VWA8: variants seen among roughly 807,000 people sequenced by gnomAD.
VWA8 encodes von Willebrand factor A domain-containing protein 8.
VWA8 carries 221 observed loss-of-function variants against 241.5 expected under a neutral mutation model. The observed-to-expected ratio is 0.91, with a 90% CI of 0.82 to 1.02. VWA8 has a LOEUF of 1.02. Ranked by LOEUF, VWA8 falls within the 50% of genes least tolerant of loss-of-function variation. The probability of loss-of-function intolerance (pLI) is 0.00; values close to 1 mark genes in which losing one functional copy is unlikely to be tolerated. For missense variants in VWA8, 2,322 were observed against 2,328.7 expected (o/e 1.00, Z 0.06); for synonymous variants, 852 against 827.1 (o/e 1.03, Z -0.52).
intron 9 of VWA8, among the ~76,000 whole-genome samples, chr13:41,875,810 C>T (rs1191572966): frequency 6.6e-5 from 10 of 151,944 alleles, no homozygotes; most frequent in Non-Finnish European, 1.2e-4. Flanking sequence ...ATCATGACCC[C>T]GATTTTCTCT....
chr13:41,738,447 G>A (rs898917803), intron 21 of VWA8, among the ~76,000 whole-genome samples: 3 of 152,214 alleles, frequency 2.0e-5, no homozygotes, highest in Admixed American at 6.5e-5. Context: ...ATTTCAAAAT[G>A]TGTTTAGTTT....
intron 27 of VWA8, among the ~76,000 whole-genome samples, chr13:41,702,674 A>G (rs2045258166): frequency 6.6e-6 from 1 of 152,226 alleles, no homozygotes; most frequent in Non-Finnish European, 1.5e-5. Context: ...AGTGGTTGCA[A>G]CAGAATCTGT....
chr13:41,573,841 C>T (rs116284849), intron 43 of VWA8, among the ~76,000 whole-genome samples: 3 of 151,994 alleles, frequency 2.0e-5, no homozygotes, highest in East Asian at 3.9e-4. Context: ...GGGCTGGTAT[C>T]GAGCTCCTGG....
rs149571852 is a variant in VWA8, at chr13:41,811,297, C to A, written c.1991G>T (p.Arg664Leu). 2 of 1,610,340 alleles carry A rather than the reference C, an allele frequency of 1.2e-6. No homozygotes were observed. Among genetic ancestry groups the A allele is most frequent in the Non-Finnish European group, 1.7e-6 (2 of 1,177,426 alleles). ...AASLSTRQLL[R>L]ISRRLSQYPN... ...ATACTGTGACAGCCGACGAGAAATT[C>A]GCAACAGTTGTCTGGTAGAAAGTGA... The change falls in exon 17 of 45, where the codon CGA becomes CTA. Residue 664 changes from arginine to leucine, a missense_variant. Coordinates refer to ENST00000379310, the MANE Select transcript of VWA8 (RefSeq NM_015058.2).
At chr13:41,824,203 A>G (rs1243633416) in intron 14 of VWA8, among the ~76,000 whole-genome samples, 1 of 152,208 alleles carries the variant, frequency 6.6e-6, no homozygotes, top group Non-Finnish European at 1.5e-5. Flanking sequence ...TTGAAGGAAT[A>G]GCAGAAGTTT....
In VWA8 at chr13:41,611,430, C is replaced by T. The variant is rs185612101; in HGVS notation, c.4877+146G>A. On this transcript the variant is annotated intron_variant, in intron 39 of 44. Transcript: ENST00000379310. ...TTTATTTGGCTGTTTCCGTTAGGGA[C>T]GGGGATGGCTGTGGATTTCAGTTTG... The T allele has an allele frequency of 1.2e-4, 128 of 1,075,658 alleles. No individual in the cohort carries two copies. The African/African-American group carries it at 1.5e-3, about 12-fold the overall frequency. 66.6% of individuals were successfully genotyped at this position (1,075,658 alleles called of 1,614,324 possible).
intron 37 of VWA8, among the ~76,000 whole-genome samples, chr13:41,667,036 G>A (rs1286217594): frequency 6.6e-6 from 1 of 152,158 alleles, no homozygotes; most frequent in Non-Finnish European, 1.5e-5. Context: ...AAAGAATGAT[G>A]TATAAGAGTA....
At chr13:41,570,765 A>T in intron 43 of VWA8, 59 bp from the exon 44 acceptor site, 1 of 1,481,158 alleles carries the variant, frequency 6.8e-7, no homozygotes, top group Non-Finnish European at 9.4e-7. Flanking sequence ...TTTAACAAAT[A>T]CGATTATTTT....
intron 26 of VWA8, among the ~76,000 whole-genome samples, chr13:41,711,069 G>A (rs1309649787): frequency 6.6e-6 from 1 of 152,184 alleles, no homozygotes; most frequent in Non-Finnish European, 1.5e-5. Flanking sequence ...TAAATACTAA[G>A]TACAATCCTG....
At chr13:41,667,233 A>C (rs2044992613) in intron 37 of VWA8, among the ~76,000 whole-genome samples, 1 of 152,226 alleles carries the variant, frequency 6.6e-6, no homozygotes. Context: ...ATTATAGAAA[A>C]GGCCAAGCTT....
intron 24 of VWA8, among the ~76,000 whole-genome samples, chr13:41,723,376 T>A (rs946586771): frequency 1.3e-5 from 2 of 152,086 alleles, no homozygotes; most frequent in Non-Finnish European, 2.9e-5. Context: ...GACTCAGGAG[T>A]CTAGTGTCTT....
At chr13:41,779,509 A>G (rs1868791011) in intron 19 of VWA8, among the ~76,000 whole-genome samples, 1 of 152,108 alleles carries the variant, frequency 6.6e-6, no homozygotes, top group South Asian at 2.1e-4. Context: ...ATACTTTTAA[A>G]TGGATATAAG....
In VWA8 at chr13:41,805,953, G is replaced by A. The variant is rs75709101; in HGVS notation, c.2063+5272C>T. The stretch of plus-strand genomic sequence containing the variant: ...TCTCAGCACATGGATCATTCTCAAG[G>A]AGAGACCATATATTAGGCCACAAAA... On this transcript the variant is annotated intron_variant, in intron 17 of 44. Transcript: ENST00000379310. 6.8e-3 allele frequency among the ~76,000 whole-genome samples: 1,019 copies of A among 150,554 alleles called. 8 individuals are homozygous for A. The highest frequency in any genetic ancestry group is 0.023 in the African/African-American group (933 of 40,956).
intron 17 of VWA8, among the ~76,000 whole-genome samples, chr13:41,808,547 C>A (rs1387085778): frequency 3.3e-5 from 5 of 152,082 alleles, no homozygotes; most frequent in Non-Finnish European, 5.9e-5. Flanking sequence ...AAGGGGAAAT[C>A]CACCCCCATG....
chr13:41,897,587 G>C (rs1164106848), intron 4 of VWA8, among the ~76,000 whole-genome samples: 1 of 152,132 alleles, frequency 6.6e-6, no homozygotes. Flanking sequence ...AAATTGGTAG[G>C]TTCTTGGTCT....
intron 2 of VWA8, among the ~76,000 whole-genome samples, chr13:41,938,886 G>A (rs1400707313): frequency 6.6e-6 from 1 of 152,110 alleles, no homozygotes. Flanking sequence ...CTGCAATGAT[G>A]TTCTATATTA....
At chr13:41,613,861 G>A (rs915998242) in intron 38 of VWA8, among the ~76,000 whole-genome samples, 2 of 152,198 alleles carry the variant, frequency 1.3e-5, no homozygotes, top group Admixed American at 6.5e-5. Flanking sequence ...AAGAATGGCA[G>A]AGAGAAAAAG....
chr13:41,595,068 T>G (rs2139650194), intron 40 of VWA8, among the ~76,000 whole-genome samples: 1 of 152,306 alleles, frequency 6.6e-6, no homozygotes, highest in Middle Eastern at 3.4e-3. Flanking sequence ...TCAAGTACCA[T>G]GAAGGACTAT....
At chr13:41,813,882 A>C (rs572881613) in intron 16 of VWA8, among the ~76,000 whole-genome samples, 5 of 150,722 alleles carry the variant, frequency 3.3e-5, no homozygotes, top group South Asian at 4.2e-4. Context: ...TTTATCTTGC[A>C]AAAAAAAAGG....
Sources: allele counts gnomAD v4.1 joint callset (sites outside exome capture counted in the v4.1 genomes callset), GRCh38; gene constraint gnomAD v4.1.1; transcripts MANE v1.5; gene names NCBI Gene and HGNC (gene_info 2026-07-23, HGNC 2026-07-21).